NALF1: variants seen among roughly 807,000 people sequenced by gnomAD.
NALF1 encodes NALCN channel auxiliary factor 1.
Under a neutral mutation model 48.4 loss-of-function variants are expected in NALF1, and 3 were observed. The ratio of observed to expected loss-of-function variants is 0.06; its 90% confidence interval spans 0.03 to 0.16. NALF1 has a LOEUF of 0.16. Among genes scored for constraint, NALF1 ranks in the 10% least tolerant of loss-of-function variants. The pLI, the probability that NALF1 is intolerant of heterozygous loss-of-function variation, is 1.00. For missense variants in NALF1, 526 were observed against 571.5 expected, an observed-to-expected ratio of 0.92 and a Z score of 0.81; for synonymous variants, 262 against 245.7, an observed-to-expected ratio of 1.07 and a Z score of -0.62.
chr13:107,270,385 T>G (rs931059295), intron 1 of NALF1, among the ~76,000 whole-genome samples: 2 of 152,092 alleles, frequency 1.3e-5, no homozygotes, highest in Non-Finnish European at 2.9e-5. Flanking sequence ...TTTTAATACA[T>G]TAAAATATTG....
At chr13:107,567,098 T>C (rs948407340) in intron 1 of NALF1, among the ~76,000 whole-genome samples, 3 of 152,170 alleles carry the variant, frequency 2.0e-5, no homozygotes, top group African/African-American at 7.2e-5. Context: ...AATAACTGTC[T>C]TCAACAGTTT....
intron 1 of NALF1, among the ~76,000 whole-genome samples, chr13:107,463,542 T>G (rs1164858135): frequency 6.6e-6 from 1 of 152,236 alleles, no homozygotes; most frequent in Non-Finnish European, 1.5e-5. Flanking sequence ...GCTGTTGTTT[T>G]GCTTTGTTTT....
intron 1 of NALF1, among the ~76,000 whole-genome samples, chr13:107,274,558 T>C (rs1881241103): frequency 1.3e-5 from 2 of 152,126 alleles, no homozygotes; most frequent in Non-Finnish European, 2.9e-5. Context: ...CGAGACCTTG[T>C]CTCTAAAGTA....
intron 1 of NALF1, among the ~76,000 whole-genome samples, chr13:107,402,058 A>G (rs7998513): frequency 0.6 from 91,614 of 151,962 alleles, 27,913 homozygotes; most frequent in African/African-American, 0.67. Flanking sequence ...TCTCCTGATC[A>G]TGGGCTAGCC....
intron 1 of NALF1, among the ~76,000 whole-genome samples, chr13:107,238,755 A>C (rs887551509): frequency 6.6e-6 from 1 of 152,208 alleles, no homozygotes; most frequent in Non-Finnish European, 1.5e-5. Context: ...TGTAAATTGC[A>C]GGGCAGGCAG....
intron 1 of NALF1, among the ~76,000 whole-genome samples, chr13:107,786,306 C>T (rs995260950): frequency 6.8e-6 from 1 of 147,874 alleles, no homozygotes. Flanking sequence ...ATCCCAGCTA[C>T]TTAGGAGGCT....
At chr13:107,268,104 C>T (rs145783357) in intron 1 of NALF1, among the ~76,000 whole-genome samples, 1,960 of 151,432 alleles carry the variant, frequency 0.013, 52 homozygotes, top group African/African-American at 0.045. Context: ...CTCCTGCCTC[C>T]GCCTCCCAAG....
rs1012985517 is a variant in NALF1 at position 107,505,442 on chromosome 13, G to A, written c.916-294687C>T. 5.3e-5 allele frequency among the ~76,000 whole-genome samples: 8 copies of A among 152,144 alleles called. No homozygotes were observed. The South Asian group carries it at 8.3e-4, about 16-fold the overall frequency. On this transcript the variant is annotated intron_variant, in intron 1 of 2. Transcript: ENST00000375915. The stretch of plus-strand genomic sequence containing the variant: ...GAAGGGTCTCTCCAGCTGCTGTGTC[G>A]GAAGCTCAGAGACAACACTGCAGTG...
chr13:107,382,023 C>T (rs1373430328), intron 1 of NALF1, among the ~76,000 whole-genome samples: 1 of 152,178 alleles, frequency 6.6e-6, no homozygotes, highest in East Asian at 1.9e-4. Context: ...CTACCTCTCA[C>T]CTAATCCATC....
At chr13:107,612,717 T>G (rs913045041) in intron 1 of NALF1, among the ~76,000 whole-genome samples, 1 of 152,120 alleles carries the variant, frequency 6.6e-6, no homozygotes, top group Non-Finnish European at 1.5e-5. Flanking sequence ...TGCCAGCATT[T>G]GGACTGGCAC....
At position 107,491,247 on chromosome 13, in the gene NALF1, A is replaced by G. The variant is rs1875096438; in HGVS notation, c.916-280492T>C. Among the ~76,000 whole-genome samples, 3 of 152,262 alleles carry G rather than the reference A, an allele frequency of 2.0e-5. No homozygotes were observed. In the South Asian group the frequency reaches 6.2e-4, roughly 32 times the overall value. ...TTATAAAGGCTTACAGAGTTTGTCT[A>G]TTTTCCCCTCTAGGGTCACATAGAA... On this transcript the variant is annotated intron_variant, in intron 1 of 2. Transcript: ENST00000375915.
At chr13:107,776,027 A>T (rs1252014841) in intron 1 of NALF1, among the ~76,000 whole-genome samples, 1 of 152,234 alleles carries the variant, frequency 6.6e-6, no homozygotes, top group African/African-American at 2.4e-5. Flanking sequence ...CAACTGTACA[A>T]CTTGCTGGCT....
intron 1 of NALF1, among the ~76,000 whole-genome samples, chr13:107,540,026 T>C (rs1246215036): frequency 1.3e-5 from 2 of 150,096 alleles, no homozygotes; most frequent in Non-Finnish European, 3.0e-5. Flanking sequence ...AAAACGACAA[T>C]AGATACCCAT....
rs207474395 is a variant in NALF1 at position 107,164,615 on chromosome 13, C to T, written c.*5882G>A. 1.3e-4 allele frequency: 19 copies of T among 150,924 alleles called. 1 individual carries two copies. The highest frequency in any genetic ancestry group is 1.2e-3 in the Admixed American group (18 of 15,148). The allele number at this position is 150,924 out of a possible 1,614,324, so 9.3% of individuals were successfully genotyped here. On this transcript the variant is annotated 3_prime_UTR_variant, in exon 3 of 3. Transcript: ENST00000375915. ...AGAACCACTTCAATTTGTGTAGATG[C>T]CTTTAACTTTTGCTTGTCAGTAGTA...
Position 107,210,662 on chromosome 13 carries a change from C to T in NALF1, c.1009G>A (p.Val337Ile). 1.9e-6 allele frequency: 3 copies of T among 1,612,418 alleles called. No homozygotes were observed. Among genetic ancestry groups the T allele is most frequent in the Non-Finnish European group, 2.5e-6 (3 of 1,178,468 alleles). ...TIPCKQYCLEVQTRCPFILPD... is the reference protein window; with the variant it reads ...TIPCKQYCLEIQTRCPFILPD... The stretch of plus-strand genomic sequence containing the variant: ...AATATAAATGGACACCTCGTCTGAA[C>T]CTCCAAACAGTATTGCTTGCAAGGA... Residue 337 changes from valine to isoleucine, a missense_variant, in exon 2 of 3, where the codon GTT becomes ATT. Coordinates refer to ENST00000375915, the MANE Select transcript of NALF1 (RefSeq NM_001080396.3).
chr13:107,248,882 AACAGTACAAT>A (rs1340123013), intron 1 of NALF1, among the ~76,000 whole-genome samples: 2 of 146,096 alleles, frequency 1.4e-5, no homozygotes, highest in African/African-American at 5.6e-5. Context: ...GATATGAATA[AACAGTACAAT>A]ACAGACAATT....
intron 1 of NALF1, among the ~76,000 whole-genome samples, chr13:107,838,660 T>G (rs758697969): frequency 5.1e-4 from 77 of 152,142 alleles, no homozygotes; most frequent in Non-Finnish European, 2.9e-5. Context: ...TAGAGATCTG[T>G]TTTATTCAAG....
At chr13:107,662,942 T>A (rs1880766898) in intron 1 of NALF1, among the ~76,000 whole-genome samples, 1 of 152,152 alleles carries the variant, frequency 6.6e-6, no homozygotes, top group Non-Finnish European at 1.5e-5. Flanking sequence ...AAATATTAAT[T>A]TAGAATTTTA....
At chr13:107,749,544 C>A (rs1478025387) in intron 1 of NALF1, among the ~76,000 whole-genome samples, 3 of 151,660 alleles carry the variant, frequency 2.0e-5, no homozygotes, top group African/African-American at 7.3e-5. Flanking sequence ...AGCATATAAC[C>A]AACATAAAAA....
Sources: gnomAD v4.1 joint callset for allele counts (sites outside exome capture counted in the v4.1 genomes callset) on GRCh38, gnomAD v4.1.1 for gene constraint, MANE v1.5 for transcripts, NCBI Gene and HGNC (gene_info 2026-07-23, HGNC 2026-07-21) for gene names.